The following FOXP1 variants were observed in gnomAD, a reference collection of about 807,000 sequenced individuals.
The protein encoded by FOXP1 is forkhead box P1.
FOXP1 carries 15 observed loss-of-function variants against 98.2 expected under a neutral mutation model. The observed-to-expected ratio is 0.15, with a 90% CI of 0.10 to 0.24. The LOEUF (loss-of-function observed/expected upper bound fraction) is 0.24. FOXP1 is among the 10% of genes least tolerant of loss of function. The pLI, the probability that FOXP1 is intolerant of heterozygous loss-of-function variation, is 1.00. For missense variants in FOXP1, 633 were observed against 848.5 expected (o/e 0.75, Z 3.15); for synonymous variants, 371 against 314.5 (o/e 1.18, Z -1.90).
chr3:71,108,582 A>C (rs962664097), intron 7 of FOXP1, among the ~76,000 whole-genome samples: 1 of 152,306 alleles, frequency 6.6e-6, no homozygotes, highest in Admixed American at 6.5e-5. Context: ...CCTGGTCAAC[A>C]TGGTGAAACC....
At chr3:71,433,506 C>T (rs148506755) in intron 3 of FOXP1, among the ~76,000 whole-genome samples, 2,078 of 152,268 alleles carry the variant, frequency 0.014, 49 homozygotes, top group African/African-American at 0.047. Context: ...TCTGACATCA[C>T]ACATCAGAGA....
chr3:71,491,288 T>C (rs563670286), intron 3 of FOXP1, among the ~76,000 whole-genome samples: 3 of 152,320 alleles, frequency 2.0e-5, no homozygotes, highest in East Asian at 1.9e-4. Context: ...AGTGCTGTGA[T>C]GACAGGCGTG....
chr3:71,583,643 G>T lies in FOXP1; in HGVS notation c.-519C>A. 3.0e-6 allele frequency: 3 copies of T among 984,108 alleles called. No homozygotes were observed. The highest frequency in any genetic ancestry group is 3.6e-6 in the Non-Finnish European group (3 of 829,538). 61.0% of individuals were successfully genotyped at this position (984,108 alleles called of 1,614,324 possible). On this transcript the variant is annotated 5_prime_UTR_variant, in exon 1 of 21. Coordinates refer to ENST00000649528, the MANE Select transcript of FOXP1 (RefSeq NM_001349338.3). ...TCCCCGCGCGCGCCCACTCCCGCCC[G>T]CGCGCGCACCCCGCGCACACACTCA...
rs151216807 is a variant in FOXP1 at position 71,290,050 on chromosome 3, T to C, written c.-12+9770A>G. 6 of 152,320 alleles carry C rather than the reference T, an allele frequency of 3.9e-5. No individual in the cohort carries two copies. In the East Asian group the frequency reaches 1.2e-3, roughly 29 times the overall value. The allele number at this position is 152,320 out of a possible 1,614,324, so 9.4% of individuals were successfully genotyped here. On this transcript the variant is annotated intron_variant, in intron 5 of 20. Coordinates refer to ENST00000649528, the MANE Select transcript of FOXP1 (RefSeq NM_001349338.3). ...TGAATTTATAGACCAAGCTAGGACA[T>C]TTCCAGGACTACATATCCAAATGCC... is the stretch of plus-strand genomic sequence containing the variant.
At chr3:70,972,534 G>A (rs2107195054) in intron 18 of FOXP1, 21 bp downstream of exon 18, 1 of 1,614,186 alleles carries the variant, frequency 6.2e-7, no homozygotes, top group South Asian at 1.1e-5. Flanking sequence ...AGGCTAAGAA[G>A]TTCAAACATG....
At chr3:71,375,094 C>T (rs2079618839) in intron 3 of FOXP1, among the ~76,000 whole-genome samples, 2 of 152,122 alleles carry the variant, frequency 1.3e-5, no homozygotes, top group South Asian at 2.1e-4. Flanking sequence ...ATAAATTAAA[C>T]CAGAACTGCT....
chr3:71,579,885 A>T (rs992506295), intron 2 of FOXP1, among the ~76,000 whole-genome samples: 1 of 152,112 alleles, frequency 6.6e-6, no homozygotes, highest in Non-Finnish European at 1.5e-5. Context: ...ATTAAAAAAA[A>T]TAACTTGTTT....
chr3:71,324,904 G>A (rs2075595153), intron 4 of FOXP1, among the ~76,000 whole-genome samples: 1 of 152,190 alleles, frequency 6.6e-6, no homozygotes, highest in African/African-American at 2.4e-5. Flanking sequence ...AGAGGAGAAA[G>A]GCAAGCCCTA....
chr3:71,418,589 G>C (rs934647129), intron 3 of FOXP1, among the ~76,000 whole-genome samples: 1 of 152,136 alleles, frequency 6.6e-6, no homozygotes, highest in African/African-American at 2.4e-5. Flanking sequence ...TCACTCAAAA[G>C]AGCTAATAGG....
chr3:71,175,620 T>C (rs1310952652), intron 6 of FOXP1, among the ~76,000 whole-genome samples: 2 of 152,190 alleles, frequency 1.3e-5, no homozygotes, highest in Non-Finnish European at 2.9e-5. Flanking sequence ...ACTAAGATGT[T>C]AGTGATTTCA....
At chr3:71,540,257 A>C (rs1008768717) in intron 2 of FOXP1, among the ~76,000 whole-genome samples, 1 of 152,252 alleles carries the variant, frequency 6.6e-6, no homozygotes, top group African/African-American at 2.4e-5. Flanking sequence ...GAATAAGAGT[A>C]AGCAGGAGAG....
chr3:71,016,554 C>A (rs78709094), intron 11 of FOXP1, among the ~76,000 whole-genome samples: 1 of 151,938 alleles, frequency 6.6e-6, no homozygotes, highest in Non-Finnish European at 1.5e-5. Flanking sequence ...AGTTCTGTTT[C>A]GTACTCAAGT....
At chr3:71,123,421 C>T (rs534158261) in intron 6 of FOXP1, among the ~76,000 whole-genome samples, 17 of 152,376 alleles carry the variant, frequency 1.1e-4, no homozygotes, top group African/African-American at 3.8e-4. Flanking sequence ...TTGTCCCCAT[C>T]ATACCTTGAT....
At chr3:71,498,485 G>GA (rs2041072040) in intron 2 of FOXP1, among the ~76,000 whole-genome samples, 1 of 152,176 alleles carries the variant, frequency 6.6e-6, no homozygotes, top group Admixed American at 6.5e-5. Flanking sequence ...CTGCACAGCT[G>GA]AGAGAAGAGC....
chr3:71,092,216 A>AT (rs1270206565), intron 7 of FOXP1, among the ~76,000 whole-genome samples: 1 of 146,142 alleles, frequency 6.8e-6, no homozygotes, highest in African/African-American at 2.5e-5. Flanking sequence ...ACAAAAAAAA[A>AT]CAAAATTAGC....
chr3:71,479,540 G>A (rs188850310), intron 3 of FOXP1, among the ~76,000 whole-genome samples: 403 of 151,946 alleles, frequency 2.7e-3, no homozygotes, highest in African/African-American at 9.4e-3. Context: ...TTAGCCAGGC[G>A]TGGTGGCGGA....
At chr3:71,245,998 A>ACCCCCCC (rs55660633) in intron 5 of FOXP1, among the ~76,000 whole-genome samples, 2 of 132,094 alleles carry the variant, frequency 1.5e-5, no homozygotes, top group African/African-American at 5.3e-5. Context: ...TACGAAAACC[A>ACCCCCCC]CCCCCCCCCC....
At chr3:71,115,317 T>TTATTATTATTTTATTTA (rs1553745321) in intron 6 of FOXP1, among the ~76,000 whole-genome samples, 2 of 144,124 alleles carry the variant, frequency 1.4e-5, no homozygotes, top group East Asian at 4.1e-4. Flanking sequence ...ATTATTATTA[T>TTATTATTATTTTATTTA]TTTATTTATT....
chr3:71,164,432 C>G (rs892974645), intron 6 of FOXP1, among the ~76,000 whole-genome samples: 1 of 152,132 alleles, frequency 6.6e-6, no homozygotes, highest in Non-Finnish European at 1.5e-5. Context: ...ATCTCCTGAC[C>G]TCGTGATCTG....
Sources: gnomAD v4.1 joint callset for allele counts (sites outside exome capture counted in the v4.1 genomes callset) on GRCh38, gnomAD v4.1.1 for gene constraint, MANE v1.5 for transcripts, NCBI Gene and HGNC (gene_info 2026-07-23, HGNC 2026-07-21) for gene names.